Variants in MICU2 observed in about 807,000 individuals in gnomAD.
MICU2 encodes the protein mitochondrial calcium uptake 2, also known as calcium uptake protein 2, mitochondrial.
A neutral mutation model predicts 60.4 loss-of-function variants in MICU2; 64 were observed. That is an observed-to-expected ratio of 1.06 (90% CI 0.87 to 1.31). The LOEUF is 1.31. Ranked by LOEUF, MICU2 falls within the 50% of genes most tolerant of loss-of-function variation. MICU2 has a pLI of 0.00. For missense variants in MICU2, 569 were observed against 531.0 expected, an observed-to-expected ratio of 1.07 and a Z score of -0.70; for synonymous variants, 201 against 175.0, an observed-to-expected ratio of 1.15 and a Z score of -1.17.
chr13:21,593,325 CAAG>C (rs1319293392), intron 1 of MICU2, among the ~76,000 whole-genome samples: 7 of 151,922 alleles, frequency 4.6e-5, no homozygotes, highest in South Asian at 2.1e-4. Flanking sequence ...AGGACCTCTT[CAAG>C]AAGAACTACA....
chr13:21,565,639 C>T (rs9509795), intron 2 of MICU2, among the ~76,000 whole-genome samples: 20,067 of 152,124 alleles, frequency 0.13, 1,418 homozygotes, highest in Middle Eastern at 0.2. Flanking sequence ...GCCTGGGCGA[C>T]AGAGCGAGAC....
intron 2 of MICU2, among the ~76,000 whole-genome samples, chr13:21,545,853 A>G (rs1379380208): frequency 1.3e-5 from 2 of 152,164 alleles, no homozygotes; most frequent in Non-Finnish European, 2.9e-5. Flanking sequence ...TACAATTAGC[A>G]ATAATACATC....
In MICU2 at chr13:21,597,679, G is replaced by A. The variant is rs532153088; in HGVS notation, c.210+6260C>T. Among the ~76,000 whole-genome samples the A allele has an allele frequency of 1.1e-4, 17 of 152,224 alleles. No homozygotes were observed. In the South Asian group the frequency reaches 2.3e-3, roughly 20 times the overall value. On this transcript the variant is annotated intron_variant, in intron 1 of 11. Coordinates refer to ENST00000382374, the MANE Select transcript of MICU2 (RefSeq NM_152726.3). Reference sequence around the variant, plus strand: ...GCGGTGGCTCATGCCTGTAATCCCAGCAGGGATTTTGGGAGGCCGAGGCGG... The same window carrying A: ...GCGGTGGCTCATGCCTGTAATCCCAACAGGGATTTTGGGAGGCCGAGGCGG...
intron 2 of MICU2, among the ~76,000 whole-genome samples, chr13:21,565,717 C>T (rs1485758787): frequency 6.6e-6 from 1 of 152,050 alleles, no homozygotes; most frequent in East Asian, 1.9e-4. Flanking sequence ...CCTGTAATCC[C>T]AGCTACTCGG....
chr13:21,515,085 G>GTTTTT (rs5802119), intron 6 of MICU2, among the ~76,000 whole-genome samples: 27,199 of 138,718 alleles, frequency 0.2, 3,851 homozygotes, highest in African/African-American at 0.39. Flanking sequence ...CAAGTATATA[G>GTTTTT]TTTTTTTTTT....
intron 1 of MICU2, among the ~76,000 whole-genome samples, chr13:21,577,059 T>C (rs1402325359): frequency 2.0e-5 from 3 of 152,206 alleles, no homozygotes; most frequent in African/African-American, 7.2e-5. Flanking sequence ...CCATTGACAT[T>C]ATTTCTGAAT....
chr13:21,552,281 G>GT (rs982379898), intron 2 of MICU2, among the ~76,000 whole-genome samples: 40 of 152,038 alleles, frequency 2.6e-4, no homozygotes, highest in African/African-American at 9.4e-4. Flanking sequence ...TGATGGGGTT[G>GT]TTTTTTTCTT....
intron 2 of MICU2, among the ~76,000 whole-genome samples, chr13:21,554,594 T>C (rs1478286342): frequency 1.3e-5 from 2 of 151,930 alleles, no homozygotes; most frequent in Non-Finnish European, 2.9e-5. Flanking sequence ...AGATCTAAAA[T>C]TGACACCCTA....
chr13:21,496,406 G>A, intron 9 of MICU2: 2 of 438,262 alleles, frequency 4.6e-6, no homozygotes, highest in Non-Finnish European at 8.1e-6. Flanking sequence ...CTGGTGCCTT[G>A]ATCTTGGACT....
chr13:21,517,642 T>G (rs1181087133), intron 6 of MICU2, among the ~76,000 whole-genome samples: 1 of 151,860 alleles, frequency 6.6e-6, no homozygotes, highest in Non-Finnish European at 1.5e-5. Context: ...CTGGGCACAG[T>G]GGGACATGCC....
At chr13:21,587,173 T>C (rs1455471476) in intron 1 of MICU2, among the ~76,000 whole-genome samples, 1 of 152,122 alleles carries the variant, frequency 6.6e-6, no homozygotes, top group Non-Finnish European at 1.5e-5. Flanking sequence ...ACTGGTTACA[T>C]ATGGGGCAAT....
intron 4 of MICU2, among the ~76,000 whole-genome samples, chr13:21,534,507 C>T (rs113123153): frequency 0.014 from 2,077 of 152,054 alleles, 44 homozygotes; most frequent in African/African-American, 0.048. Context: ...ATGCCTGGCC[C>T]CAATTAATAC....
intron 1 of MICU2, among the ~76,000 whole-genome samples, chr13:21,597,948 A>AAAAAAAC (rs1555277646): frequency 7.0e-6 from 1 of 143,174 alleles, no homozygotes; most frequent in Non-Finnish European, 1.5e-5. Context: ...AAAAAAAAAA[A>AAAAAAAC]AGAATTTCAA....
chr13:21,576,392 C>G (rs55873789), intron 1 of MICU2, among the ~76,000 whole-genome samples: 4,075 of 152,192 alleles, frequency 0.027, 69 homozygotes, highest in African/African-American at 0.031. Context: ...CTGAGAACTT[C>G]AAGTAAGTGG....
At chr13:21,499,917 C>A (rs1034300903) in intron 9 of MICU2, among the ~76,000 whole-genome samples, 1 of 152,144 alleles carries the variant, frequency 6.6e-6, no homozygotes, top group African/African-American at 2.4e-5. Context: ...CCCAGCTACT[C>A]AGGAGGCTGA....
At chr13:21,597,283 T>A (rs1035467171) in intron 1 of MICU2, among the ~76,000 whole-genome samples, 8 of 152,242 alleles carry the variant, frequency 5.3e-5, no homozygotes, top group African/African-American at 1.9e-4. Context: ...CCTTGGGACA[T>A]AGCAGATAAG....
intron 2 of MICU2, among the ~76,000 whole-genome samples, chr13:21,546,678 A>G (rs976028743): frequency 1.3e-5 from 2 of 152,194 alleles, no homozygotes; most frequent in Admixed American, 1.3e-4. Flanking sequence ...GGTGGCTCCT[A>G]TCTAATGATT....
At chr13:21,557,137 T>G (rs1887727646) in intron 2 of MICU2, among the ~76,000 whole-genome samples, 1 of 152,104 alleles carries the variant, frequency 6.6e-6, no homozygotes, top group Non-Finnish European at 1.5e-5. Flanking sequence ...AATCTGAGAA[T>G]AGGTGCATTG....
At chr13:21,537,626 T>A (rs1887165342) in intron 4 of MICU2, among the ~76,000 whole-genome samples, 1 of 152,002 alleles carries the variant, frequency 6.6e-6, no homozygotes, top group South Asian at 2.1e-4. Flanking sequence ...CCCGCCACCA[T>A]GCCTGGCTAA....
Sources: gnomAD v4.1 joint callset for allele counts (sites outside exome capture counted in the v4.1 genomes callset) on GRCh38, gnomAD v4.1.1 for gene constraint, MANE v1.5 for transcripts, NCBI Gene and HGNC (gene_info 2026-07-23, HGNC 2026-07-21) for gene names.